Variants in COL21A1 observed in about 807,000 individuals in gnomAD.
The protein encoded by COL21A1 is collagen type XXI alpha 1 chain, also known as collagen alpha-1(XXI) chain.
Under a neutral mutation model 137.9 loss-of-function variants are expected in COL21A1, and 149 were observed. The observed-to-expected ratio is 1.08, with a 90% CI of 0.95 to 1.24. The LOEUF is 1.24. COL21A1 is among the 50% of genes most tolerant of loss of function. The probability of loss-of-function intolerance (pLI) is 0.00; values close to 1 mark genes in which losing one functional copy is unlikely to be tolerated. For missense variants in COL21A1, 1,167 were observed against 1,158.4 expected (o/e 1.01, Z -0.11); for synonymous variants, 456 against 391.5 (o/e 1.16, Z -1.95).
chr6:56,217,641 G>A (rs543102473), intron 1 of COL21A1, among the ~76,000 whole-genome samples: 4 of 152,154 alleles, frequency 2.6e-5, no homozygotes, highest in South Asian at 2.1e-4. Flanking sequence ...ACTTCAGTGC[G>A]TTGACTCCCC....
chr6:56,124,786 C>A (rs1019560036), intron 14 of COL21A1, among the ~76,000 whole-genome samples: 1 of 151,896 alleles, frequency 6.6e-6, no homozygotes, highest in Non-Finnish European at 1.5e-5. Flanking sequence ...GGACTACAGG[C>A]GCCCACTACC....
In COL21A1 at chr6:56,090,485, A is replaced by T. The variant is rs947212546; in HGVS notation, c.1812+10987T>A. ...ACATTTGTGTGTGAGGTCAAAATTAATGACACAATATTTTCACAGTCACTA... is the reference window on the plus strand; with the variant it reads ...ACATTTGTGTGTGAGGTCAAAATTATTGACACAATATTTTCACAGTCACTA... On this transcript the variant is annotated intron_variant, in intron 17 of 29. Coordinates refer to ENST00000244728, the MANE Select transcript of COL21A1 (RefSeq NM_030820.4). Among the ~76,000 whole-genome samples, 6 of 152,316 alleles carry T rather than the reference A, an allele frequency of 3.9e-5. 1 individual carries two copies. Among genetic ancestry groups the T allele is most frequent in the Admixed American group, 3.9e-4 (6 of 15,280 alleles).
chr6:56,140,734 C>T lies in COL21A1; in HGVS notation c.1542+1051G>A, dbSNP rs748379661. 1.1e-3 allele frequency among the ~76,000 whole-genome samples: 160 copies of T among 152,158 alleles called. 4 individuals are homozygous for T. Among genetic ancestry groups the T allele is most frequent in the Non-Finnish European group, 2.8e-4 (19 of 68,016 alleles). ...TGAAGCGGAAACTTGGAAGGTAGTA[C>T]ATGGTGATTTTAGACCCACAATGAC... On this transcript the variant is annotated intron_variant, in intron 12 of 29. Coordinates refer to ENST00000244728, the MANE Select transcript of COL21A1 (RefSeq NM_030820.4).
intron 17 of COL21A1, among the ~76,000 whole-genome samples, chr6:56,082,392 T>TGAAATTGATTTCAAATTG (rs1255839559): frequency 1.3e-5 from 2 of 152,014 alleles, no homozygotes; most frequent in Non-Finnish European, 2.9e-5. Flanking sequence ...AATTCCATTT[T>TGAAATTGATTTCAAATTG]GAAAGAGAAA....
Position 56,057,463 on chromosome 6 carries a change from AG to A in COL21A1, c.*193del. ...AGATTTAATTAATGCTGCTAATCCA[AG>A]GGCTCCAAATGACTGAGGAGCCTTT... On this transcript the variant is annotated 3_prime_UTR_variant, in exon 30 of 30. Transcript: ENST00000244728. The A allele has an allele frequency of 1.7e-6, 1 of 592,338 alleles. No homozygotes were observed. The highest frequency in any genetic ancestry group is 2.9e-6 in the Non-Finnish European group (1 of 341,500). The allele number at this position is 592,338 out of a possible 1,614,324, so 36.7% of individuals were successfully genotyped here. A position where few individuals can be genotyped will look rare whatever the true frequency, so the allele number is the denominator to read the frequency against.
chr6:56,192,128 G>C (rs1778725760), intron 1 of COL21A1, among the ~76,000 whole-genome samples: 1 of 152,110 alleles, frequency 6.6e-6, no homozygotes, highest in African/African-American at 2.4e-5. Flanking sequence ...AAATGGTGTT[G>C]GGAAAACTAG....
intron 3 of COL21A1, among the ~76,000 whole-genome samples, chr6:56,172,418 T>A (rs1777141350): frequency 6.6e-6 from 1 of 152,196 alleles, no homozygotes; most frequent in African/African-American, 2.4e-5. Context: ...ACAAGAATGC[T>A]ATGTCTGGCA....
chr6:56,057,729 G>A lies in COL21A1; in HGVS notation c.2802C>T (p.Gly934=), dbSNP rs373190414. Residue 934 remains glycine (G), a synonymous_variant, in exon 30 of 30, where the codon GGC becomes GGT. Coordinates refer to ENST00000244728, the MANE Select transcript of COL21A1 (RefSeq NM_030820.4). ...TAAAACATAGTGATGGGTCGCAGAT[G>A]CCTGGGGGGCCTGGTTGCCCTTGGA... ...PGIQGQPGPP[G]ICDPSLCFSV... The A allele has an allele frequency of 6.2e-7, 1 of 1,612,786 alleles. No homozygotes were observed. The highest frequency in any genetic ancestry group is 1.3e-5 in the African/African-American group (1 of 74,868).
At chr6:56,310,187 C>T (rs1221657182) in intron 1 of COL21A1, among the ~76,000 whole-genome samples, 2 of 144,528 alleles carry the variant, frequency 1.4e-5, no homozygotes, top group Non-Finnish European at 3.1e-5. Flanking sequence ...AAATGGAAGA[C>T]GTAAGACAGA....
At chr6:56,287,024 C>G (rs535211057) in intron 1 of COL21A1, among the ~76,000 whole-genome samples, 36 of 152,104 alleles carry the variant, frequency 2.4e-4, no homozygotes, top group African/African-American at 8.4e-4. Context: ...CTTAGGAAAA[C>G]AATAAATAAA....
At chr6:56,254,016 G>A (rs1205848912) in intron 1 of COL21A1, among the ~76,000 whole-genome samples, 1 of 152,076 alleles carries the variant, frequency 6.6e-6, no homozygotes, top group Non-Finnish European at 1.5e-5. Context: ...AGACTACTTG[G>A]AGATAATTAT....
At chr6:56,196,311 A>T (rs779097631) in intron 1 of COL21A1, among the ~76,000 whole-genome samples, 82 of 152,162 alleles carry the variant, frequency 5.4e-4, no homozygotes, top group Non-Finnish European at 1.0e-3. Context: ...ATCAGGAAGA[A>T]ACAAGGGTGC....
intron 1 of COL21A1, among the ~76,000 whole-genome samples, chr6:56,324,492 C>T (rs753273149): frequency 1.3e-5 from 2 of 152,136 alleles, no homozygotes; most frequent in Middle Eastern, 3.4e-3. Flanking sequence ...TGCCTCAACA[C>T]GTTGCCTAAC....
intron 1 of COL21A1, among the ~76,000 whole-genome samples, chr6:56,307,473 T>G (rs1764494109): frequency 1.3e-5 from 2 of 152,186 alleles, no homozygotes; most frequent in Non-Finnish European, 2.9e-5. Flanking sequence ...GATCTCAGAC[T>G]GCTGTGCTAG....
chr6:56,257,742 A>C (rs1422056696), intron 1 of COL21A1, among the ~76,000 whole-genome samples: 1 of 152,166 alleles, frequency 6.6e-6, no homozygotes, highest in African/African-American at 2.4e-5. Context: ...GTGAAATTTA[A>C]ATTCATGTAA....
chr6:56,248,936 ACTAT>A (rs1253773365), upstream of COL21A1, among the ~76,000 whole-genome samples: 2 of 152,236 alleles, frequency 1.3e-5, no homozygotes, highest in Non-Finnish European at 2.9e-5. Context: ...TTCAAATCAC[ACTAT>A]CTAGAAAGTA....
intron 1 of COL21A1, among the ~76,000 whole-genome samples, chr6:56,222,556 T>C (rs1582676888): frequency 1.3e-5 from 2 of 152,136 alleles, no homozygotes; most frequent in Non-Finnish European, 2.9e-5. Flanking sequence ...ATTTAAGACA[T>C]GTAATCCATT....
chr6:56,285,647 C>T (rs1763893306), intron 1 of COL21A1, among the ~76,000 whole-genome samples: 1 of 152,154 alleles, frequency 6.6e-6, no homozygotes, highest in African/African-American at 2.4e-5. Flanking sequence ...ATAGTCTTCT[C>T]AAGTACTCAT....
At chr6:56,117,331 A>C (rs1047396716) in intron 16 of COL21A1, among the ~76,000 whole-genome samples, 1 of 152,054 alleles carries the variant, frequency 6.6e-6, no homozygotes, top group African/African-American at 2.4e-5. Context: ...CTTTCAAGTC[A>C]AAAACTAAGA....
Sources: gnomAD v4.1 joint callset for allele counts (sites outside exome capture counted in the v4.1 genomes callset) on GRCh38, gnomAD v4.1.1 for gene constraint, MANE v1.5 for transcripts, NCBI Gene and HGNC (gene_info 2026-07-23, HGNC 2026-07-21) for gene names.